HK2: variants seen among roughly 807,000 people sequenced by gnomAD.
The protein encoded by HK2 is hexokinase 2.
Under a neutral mutation model 92.9 loss-of-function variants are expected in HK2, and 42 were observed. The observed-to-expected ratio is 0.45, with a 90% CI of 0.35 to 0.58. The LOEUF is 0.58. Ranked by LOEUF, HK2 falls within the 20% of genes least tolerant of loss-of-function variation. The pLI is 0.00. For synonymous variants in HK2, 422 were observed against 468.0 expected (o/e 0.90, Z 1.27); for missense variants, 978 against 1,245.1 (o/e 0.79, Z 3.23).
At chr2:74,874,816 G>T (rs1689187353) in intron 7 of HK2, among the ~76,000 whole-genome samples, 2 of 152,122 alleles carry the variant, frequency 1.3e-5, no homozygotes, top group South Asian at 4.1e-4. Flanking sequence ...GTCTCTGAAA[G>T]CTCCTTTCAT....
intron 10 of HK2, 23 bp from the exon 11 acceptor site, chr2:74,881,688 A>G: frequency 1.2e-6 from 2 of 1,613,334 alleles, no homozygotes; most frequent in Non-Finnish European, 1.7e-6. Flanking sequence ...CCAACTTATC[A>G]CTTCCCTGGG....
chr2:74,843,582 C>G (rs1688366563), intron 1 of HK2, among the ~76,000 whole-genome samples: 1 of 152,180 alleles, frequency 6.6e-6, no homozygotes, highest in Non-Finnish European at 1.5e-5. Context: ...CTCTGAGAAA[C>G]TGGCTCTGGA....
At chr2:74,884,311 T>A (rs1231995437) in intron 12 of HK2, among the ~76,000 whole-genome samples, 1 of 152,236 alleles carries the variant, frequency 6.6e-6, no homozygotes, top group Non-Finnish European at 1.5e-5. Context: ...GGCAAGACCC[T>A]CCTGTGATGG....
At chr2:74,858,413 A>G (rs568501979) in intron 2 of HK2, among the ~76,000 whole-genome samples, 55 of 152,292 alleles carry the variant, frequency 3.6e-4, no homozygotes, top group Admixed American at 2.0e-3. Context: ...GTTTGAATTC[A>G]AGCTGTGTGC....
intron 3 of HK2, among the ~76,000 whole-genome samples, chr2:74,870,282 T>C (rs915424600): frequency 1.6e-4 from 25 of 152,172 alleles, no homozygotes; most frequent in African/African-American, 6.0e-4. Flanking sequence ...AGTGCTGGGA[T>C]TACAGGCAGG....
At chr2:74,873,989 G>A (rs1323907110) in intron 6 of HK2, 46 bp downstream of exon 6, 5 of 1,442,322 alleles carry the variant, frequency 3.5e-6, no homozygotes, top group Non-Finnish European at 3.9e-6. Context: ...CCAAGGGATG[G>A]GGGTGTGGGC....
At chr2:74,856,096 C>T (rs556051785) in intron 2 of HK2, among the ~76,000 whole-genome samples, 14 of 151,878 alleles carry the variant, frequency 9.2e-5, no homozygotes, top group African/African-American at 3.1e-4. Context: ...CTAAGGGGGA[C>T]GAGATCTCCA....
chr2:74,870,589 T>C (rs1689075342), intron 3 of HK2, among the ~76,000 whole-genome samples: 1 of 150,118 alleles, frequency 6.7e-6, no homozygotes, highest in Non-Finnish European at 1.5e-5. Context: ...ATAAAAACTA[T>C]TTGTACTAAA....
chr2:74,854,569 A>T lies in HK2; in HGVS notation c.226+114A>T, dbSNP rs916127608. ...CTCAGAAACCAACCCTGGCTAAGGG[A>T]AGCATCCAGGGAATTGAATGGAAGG... On this transcript the variant is annotated intron_variant, in intron 2 of 17. Transcript: ENST00000290573. 4.4e-6 allele frequency: 5 copies of T among 1,129,922 alleles called. 1 individual carries two copies. Among genetic ancestry groups the T allele is most frequent in the Non-Finnish European group, 6.6e-6 (5 of 759,816 alleles). The allele number at this position is 1,129,922 out of a possible 1,614,324, so 70.0% of individuals were successfully genotyped here. A position where few individuals can be genotyped will look rare whatever the true frequency, so the allele number is the denominator to read the frequency against.
At position 74,890,968 on chromosome 2, in the gene HK2, T is replaced by A; in HGVS notation, c.*27T>A. The stretch of plus-strand genomic sequence containing the variant: ...ACCCCTGAAATCGGAAGGGACTTCC[T>A]CTTTCTCTCCTTCTTCCCTGTTTTA... On this transcript the variant is annotated 3_prime_UTR_variant, in exon 18 of 18. Transcript: ENST00000290573. 1 of 1,612,464 alleles carries A rather than the reference T, an allele frequency of 6.2e-7. No individual in the cohort carries two copies. Among genetic ancestry groups the A allele is most frequent in the Non-Finnish European group, 8.5e-7 (1 of 1,179,266 alleles).
At chr2:74,890,682 T>C in intron 17 of HK2, 115 bp from the exon 18 acceptor site, 1 of 1,156,846 alleles carries the variant, frequency 8.6e-7, no homozygotes, top group East Asian at 2.3e-5. Flanking sequence ...CCTTCTCCTC[T>C]TCTTAATTAT....
At chr2:74,888,429 G>A (rs527355145) in intron 16 of HK2, among the ~76,000 whole-genome samples, 1 of 152,344 alleles carries the variant, frequency 6.6e-6, no homozygotes, top group South Asian at 2.1e-4. Context: ...ACTGCTGGCT[G>A]CAGTAATCAG....
intron 11 of HK2, 88 bp downstream of exon 11, chr2:74,881,947 C>G: frequency 6.6e-7 from 1 of 1,519,746 alleles, no homozygotes; most frequent in Non-Finnish European, 9.1e-7. Flanking sequence ...TCATCTGTGA[C>G]CCTGGGGAGG....
chr2:74,874,177 C>A, intron 6 of HK2, 89 bp from the exon 7 acceptor site: 1 of 1,513,954 alleles, frequency 6.6e-7, no homozygotes, highest in Non-Finnish European at 9.2e-7. Context: ...CCATCCTGGC[C>A]GGGCAGTCTC....
At chr2:74,840,904 A>ATG (rs869156790) in intron 1 of HK2, among the ~76,000 whole-genome samples, 14 of 114,032 alleles carry the variant, frequency 1.2e-4, no homozygotes, top group African/African-American at 5.0e-4. Flanking sequence ...AAAAAAAAAA[A>ATG]GCTGTGGGGG....
intron 2 of HK2, among the ~76,000 whole-genome samples, chr2:74,866,557 CGGT>C (rs772804927): frequency 1.3e-5 from 2 of 152,184 alleles, no homozygotes; most frequent in Non-Finnish European, 1.5e-5. Flanking sequence ...TCCCCATAGT[CGGT>C]GGTATTATCA....
rs866102261 is a variant in HK2, at chr2:74,891,881, A to T, written c.*940A>T. On this transcript the variant is annotated 3_prime_UTR_variant, in exon 18 of 18. Transcript: ENST00000290573. ...TCAGAATTGGCCTCAGTGTAGTTAA[A>T]GGGCAGAAGGGGAAGATACTGACTA... 6.5e-6 allele frequency: 1 copy of T among 152,684 alleles called. No homozygotes were observed. The highest frequency in any genetic ancestry group is 2.4e-5 in the African/African-American group (1 of 41,466). 9.5% of individuals were successfully genotyped at this position (152,684 alleles called of 1,614,324 possible).
At position 74,892,784 on chromosome 2, in the gene HK2, T is replaced by C. The variant is rs1036001012; in HGVS notation, c.*1843T>C. 2 of 152,160 alleles carry C rather than the reference T, an allele frequency of 1.3e-5. No homozygotes were observed. Among genetic ancestry groups the C allele is most frequent in the African/African-American group, 4.8e-5 (2 of 41,450 alleles). The allele number at this position is 152,160 out of a possible 1,614,324, so 9.4% of individuals were successfully genotyped here. Reference sequence around the variant, plus strand: ...TGTAATTAGGTGAAAACAGCCCAGGTCCTCCCGGGAGCACAGAGGGGCTAG... The same window carrying C: ...TGTAATTAGGTGAAAACAGCCCAGGCCCTCCCGGGAGCACAGAGGGGCTAG... On this transcript the variant is annotated 3_prime_UTR_variant, in exon 18 of 18. Coordinates refer to ENST00000290573, the MANE Select transcript of HK2 (RefSeq NM_000189.5).
chr2:74,870,269 C>T (rs538817209), intron 3 of HK2, among the ~76,000 whole-genome samples: 4 of 152,194 alleles, frequency 2.6e-5, no homozygotes, highest in East Asian at 1.9e-4. Flanking sequence ...CTTCGCCTCC[C>T]GAAGTGCTGG....
Sources: allele counts gnomAD v4.1 joint callset (sites outside exome capture counted in the v4.1 genomes callset), GRCh38; gene constraint gnomAD v4.1.1; transcripts MANE v1.5; gene names NCBI Gene and HGNC (gene_info 2026-07-23, HGNC 2026-07-21).